CUBN: variants seen among roughly 807,000 people sequenced by gnomAD.
The protein encoded by CUBN is cubilin.
In CUBN, 282 loss-of-function variants were observed where a neutral mutation model predicts 405.3. The ratio of observed to expected loss-of-function variants is 0.70; its 90% CI spans 0.63 to 0.77. The LOEUF (loss-of-function observed/expected upper bound fraction) is 0.77. Ranked by LOEUF, CUBN falls within the 30% of genes least tolerant of loss-of-function variation. The pLI is 0.00. For missense variants in CUBN, 4,514 were observed against 4,475.2 expected, an observed-to-expected ratio of 1.01 and a Z score of -0.25; for synonymous variants, 1,684 against 1,617.0, an observed-to-expected ratio of 1.04 and a Z score of -0.99.
At chr10:16,957,385 C>T (rs2131638913) in intron 31 of CUBN, among the ~76,000 whole-genome samples, 1 of 152,266 alleles carries the variant, frequency 6.6e-6, no homozygotes, top group East Asian at 1.9e-4. Flanking sequence ...ATTTCTATTG[C>T]TAAGTACCAT....
chr10:17,045,360 A>ATTTTTTTTT (rs34487389), intron 24 of CUBN, among the ~76,000 whole-genome samples, 172 bp from the exon 25 acceptor site: 1 of 134,294 alleles, frequency 7.4e-6, no homozygotes, highest in African/African-American at 2.8e-5. Context: ...ATTTTTTTCT[A>ATTTTTTTTT]TTTTTTTTTT....
intron 36 of CUBN, among the ~76,000 whole-genome samples, chr10:16,944,986 A>T (rs1315996015): frequency 6.6e-6 from 1 of 152,222 alleles, no homozygotes; most frequent in African/African-American, 2.4e-5. Flanking sequence ...ACAGTCCTAG[A>T]AATTTGAAAT....
intron 3 of CUBN, among the ~76,000 whole-genome samples, chr10:17,127,231 T>C (rs1361287394): frequency 1.3e-5 from 2 of 149,714 alleles, no homozygotes; most frequent in African/African-American, 4.9e-5. Context: ...TCTCTCTGTC[T>C]CTCTCTCTCT....
chr10:17,125,147 A>G (rs567260103), intron 4 of CUBN, among the ~76,000 whole-genome samples: 1 of 152,240 alleles, frequency 6.6e-6, no homozygotes, highest in Non-Finnish European at 1.5e-5. Flanking sequence ...CTCTGCTTTT[A>G]AAAAGTTAAA....
At chr10:16,891,947 G>C (rs548827610) in intron 54 of CUBN, among the ~76,000 whole-genome samples, 1 of 152,204 alleles carries the variant, frequency 6.6e-6, no homozygotes, top group South Asian at 2.1e-4. Context: ...CAAGGATGTA[G>C]TTGGATGTGT....
At chr10:16,838,418 T>G (rs2131315859) in intron 62 of CUBN, among the ~76,000 whole-genome samples, 1 of 152,316 alleles carries the variant, frequency 6.6e-6, no homozygotes, top group Non-Finnish European at 1.5e-5. Context: ...AATCCAGGTA[T>G]TCTCAGATGT....
At chr10:17,037,803 T>C (rs961755140) in intron 27 of CUBN, among the ~76,000 whole-genome samples, 54 of 152,212 alleles carry the variant, frequency 3.5e-4, no homozygotes, top group African/African-American at 1.3e-3. Flanking sequence ...CTCTCCTCTT[T>C]GTACCTCTTT....
rs370837269 is a variant in CUBN at position 16,874,492 on chromosome 10, C to T, written c.9118G>A (p.Val3040Met). ...FSYRIISCGG[V>M]FNFSSGIITS... ...ATGATTCCAGAAGAGAAATTGAACA[C>T]ACCACCACAGGCTGCAACAGAAGAC... The change falls in exon 58 of 67, where the codon GTG becomes ATG. Residue 3040 changes from valine to methionine, a missense_variant. By Grantham distance (21) the Val-to-Met change is conservative. Transcript: ENST00000377833. The T allele has an allele frequency of 3.7e-6, 6 of 1,614,030 alleles. No homozygotes were observed. The African/African-American group carries it at 6.7e-5, about 18-fold the overall frequency.
chr10:16,909,380 T>C (rs1449627018), intron 48 of CUBN, among the ~76,000 whole-genome samples: 1 of 152,150 alleles, frequency 6.6e-6, no homozygotes, highest in African/African-American at 2.4e-5. Flanking sequence ...CCCAGGCAGA[T>C]AACAGTATCC....
chr10:17,100,042 C>A lies in CUBN; in HGVS notation c.1728G>T (p.Gly576=). ...TTTCCCATCTTACTGTAAAGCCTCTCCCATTTCTTAAATGTTCAGAATAGA... is the reference window on the plus strand; with the variant it reads ...TTTCCCATCTTACTGTAAAGCCTCTACCATTTCTTAAATGTTCAGAATAGA... The part of the protein sequence containing the change: ...FHLYSEHLRN[G]RGFTVRWETQ... Residue 576 remains glycine, a synonymous_variant, in exon 14 of 67, where the codon GGG becomes GGT. Coordinates refer to ENST00000377833, the MANE Select transcript of CUBN (RefSeq NM_001081.4). 1.9e-6 allele frequency: 3 copies of A among 1,613,828 alleles called. No homozygotes were observed. The highest frequency in any genetic ancestry group is 2.5e-6 in the Non-Finnish European group (3 of 1,179,802).
chr10:16,840,675 T>C, intron 61 of CUBN, 140 bp from the exon 62 acceptor site: 5 of 894,192 alleles, frequency 5.6e-6, no homozygotes, highest in Non-Finnish European at 9.0e-6. Flanking sequence ...AGGGTTTATA[T>C]CCTTGACTAA....
intron 13 of CUBN, among the ~76,000 whole-genome samples, chr10:17,100,953 A>G (rs892183685): frequency 2.0e-5 from 3 of 152,246 alleles, no homozygotes; most frequent in Non-Finnish European, 4.4e-5. Context: ...GGATTAGAAT[A>G]CAGACTTCAA....
chr10:16,946,088 A>C (rs1842772212), intron 36 of CUBN, among the ~76,000 whole-genome samples: 1 of 152,230 alleles, frequency 6.6e-6, no homozygotes, highest in African/African-American at 2.4e-5. Context: ...TAAGTTACTT[A>C]TATTCGCTTC....
intron 27 of CUBN, among the ~76,000 whole-genome samples, chr10:17,032,211 G>A (rs1272119219): frequency 6.6e-6 from 1 of 152,194 alleles, no homozygotes; most frequent in African/African-American, 2.4e-5. Context: ...GACCAGGCAG[G>A]AGCTGGGCTC....
rs1833303610 is a variant in CUBN at position 16,982,537 on chromosome 10, C to CA, written c.4641dup (p.Val1548CysfsTer7). The CA allele has an allele frequency of 3.7e-6, 6 of 1,613,728 alleles. No individual in the cohort carries two copies. In the Admixed American group the frequency reaches 1.0e-4, roughly 27 times the overall value. On this transcript the variant is annotated frameshift_variant, in exon 31 of 67. Transcript: ENST00000377833. LOFTEE classifies it high-confidence loss of function. ...TCAAAGTCAGTGAAGTTCAAGAGAA[C>CA]ACGATGATTTCTGTCAACCCGAATG... is the stretch of plus-strand genomic sequence containing the variant.
chr10:17,001,713 C>T (rs573376547), intron 28 of CUBN, among the ~76,000 whole-genome samples: 1 of 152,330 alleles, frequency 6.6e-6, no homozygotes, highest in Admixed American at 6.5e-5. Flanking sequence ...TTCATTCACT[C>T]TTTACATGGC....
In CUBN at chr10:16,950,131, ACT is replaced by A. The variant is rs767337907; in HGVS notation, c.4970-22_4970-21del. 5 of 1,571,970 alleles carry A rather than the reference ACT, an allele frequency of 3.2e-6. No individual in the cohort carries two copies. Among genetic ancestry groups the A allele is most frequent in the African/African-American group, 1.4e-5 (1 of 74,062 alleles). On this transcript the variant is annotated intron_variant, in intron 33 of 66. Coordinates refer to ENST00000377833, the MANE Select transcript of CUBN (RefSeq NM_001081.4). ...GATTTACTGGAAGAAAAAAGAGAAGACTCTCTCGTAAAGTACTGGCAAATAAA... is the reference window on the plus strand; with the variant it reads ...GATTTACTGGAAGAAAAAAGAGAAGACTCTCGTAAAGTACTGGCAAATAAA...
chr10:16,956,672 A>C (rs1021564734), intron 31 of CUBN, among the ~76,000 whole-genome samples: 1 of 152,146 alleles, frequency 6.6e-6, no homozygotes, highest in Non-Finnish European at 1.5e-5. Flanking sequence ...ATACTGTCTT[A>C]GTTTTAATAT....
intron 56 of CUBN, among the ~76,000 whole-genome samples, chr10:16,883,583 T>C (rs1840723726): frequency 6.6e-6 from 1 of 152,228 alleles, no homozygotes; most frequent in African/African-American, 2.4e-5. Flanking sequence ...TGCTTCTTGA[T>C]GGGGAAAAAA....
Sources: allele counts gnomAD v4.1 joint callset (sites outside exome capture counted in the v4.1 genomes callset), GRCh38; gene constraint gnomAD v4.1.1; transcripts MANE v1.5; gene names NCBI Gene and HGNC (gene_info 2026-07-23, HGNC 2026-07-21).